AHI1: variants seen among roughly 807,000 people sequenced by gnomAD.
AHI1 encodes Abelson helper integration site 1.
In AHI1, 123 loss-of-function variants were observed where a neutral mutation model predicts 149.3. That is an observed-to-expected ratio of 0.82 (90% confidence interval 0.71 to 0.96). AHI1 has a LOEUF of 0.96. Among genes scored for constraint, AHI1 ranks in the 40% least tolerant of loss-of-function variants. AHI1 has a pLI of 0.00. For missense variants in AHI1, 1,439 were observed against 1,422.7 expected (o/e 1.01, Z -0.18); for synonymous variants, 475 against 459.8 (o/e 1.03, Z -0.42).
chr6:135,328,452 T>C (rs1788043743), intron 24 of AHI1, among the ~76,000 whole-genome samples: 2 of 152,136 alleles, frequency 1.3e-5, no homozygotes, highest in South Asian at 4.1e-4. Context: ...TGATAGGTGA[T>C]CTTTGATGCT....
At chr6:135,422,018 C>T (rs79601829) in intron 20 of AHI1, among the ~76,000 whole-genome samples, 1,531 of 152,032 alleles carry the variant, frequency 0.01, 29 homozygotes, top group African/African-American at 0.035. Context: ...AAATGAATGC[C>T]ATATAGAACG....
intron 26 of AHI1, among the ~76,000 whole-genome samples, chr6:135,304,656 AGT>A (rs1471545086): frequency 1.3e-5 from 2 of 152,098 alleles, no homozygotes; most frequent in African/African-American, 4.8e-5. Flanking sequence ...CTGTAATCCC[AGT>A]TACTCGGGAG....
intron 5 of AHI1, among the ~76,000 whole-genome samples, chr6:135,469,803 A>G (rs923967755): frequency 7.2e-5 from 11 of 152,170 alleles, no homozygotes; most frequent in Admixed American, 2.0e-4. Context: ...TATACCTTAT[A>G]CAAAAATTAA....
chr6:135,460,292 A>G (rs1430040772), intron 8 of AHI1, among the ~76,000 whole-genome samples: 1 of 152,238 alleles, frequency 6.6e-6, no homozygotes, highest in Non-Finnish European at 1.5e-5. Flanking sequence ...AGCAACAAAT[A>G]CAAAACAAAA....
At chr6:135,490,098 T>A in intron 5 of AHI1, 2 of 701,568 alleles carry the variant, frequency 2.9e-6, no homozygotes. Flanking sequence ...TAGTTGCTGA[T>A]TTGCTTAGTC....
intron 15 of AHI1, among the ~76,000 whole-genome samples, chr6:135,434,485 T>C (rs115591232): frequency 0.024 from 3,698 of 152,124 alleles, 64 homozygotes; most frequent in East Asian, 0.054. Flanking sequence ...CTCAGTTGTT[T>C]GGTAATAAAT....
chr6:135,398,216 G>C (rs1237986087), intron 22 of AHI1, among the ~76,000 whole-genome samples: 10 of 152,010 alleles, frequency 6.6e-5, no homozygotes, highest in Admixed American at 6.6e-4. Flanking sequence ...AATTTTAAGA[G>C]TAGCTTATGC....
chr6:135,296,950 A>T (rs1444994401), intron 27 of AHI1, among the ~76,000 whole-genome samples: 1 of 152,184 alleles, frequency 6.6e-6, no homozygotes, highest in Admixed American at 6.5e-5. Flanking sequence ...GTTGTGTATC[A>T]TATCATTCAT....
At chr6:135,321,422 C>T (rs1183739003) in intron 25 of AHI1, among the ~76,000 whole-genome samples, 2 of 152,100 alleles carry the variant, frequency 1.3e-5, no homozygotes, top group Non-Finnish European at 2.9e-5. Flanking sequence ...AGTCTGCTGA[C>T]TGTGGCAGAT....
At chr6:135,344,382 TA>T (rs1329798111) in intron 24 of AHI1, among the ~76,000 whole-genome samples, 1 of 150,900 alleles carries the variant, frequency 6.6e-6, no homozygotes, top group Non-Finnish European at 1.5e-5. Flanking sequence ...ATATTTACAT[TA>T]AAAATTTATA....
At chr6:135,387,198 AAG>A (rs1298380372) in intron 23 of AHI1, among the ~76,000 whole-genome samples, 1 of 152,186 alleles carries the variant, frequency 6.6e-6, no homozygotes, top group African/African-American at 2.4e-5. Context: ...GCATTTTCTT[AAG>A]AGAGGAAAAA....
intron 27 of AHI1, among the ~76,000 whole-genome samples, chr6:135,296,724 C>T (rs546552419): frequency 6.6e-6 from 1 of 152,278 alleles, no homozygotes; most frequent in South Asian, 2.1e-4. Flanking sequence ...CATACTGTAG[C>T]ACACATCTGG....
At chr6:135,344,396 TATTTTACAAA>T (rs1006727309) in intron 24 of AHI1, among the ~76,000 whole-genome samples, 24 of 150,972 alleles carry the variant, frequency 1.6e-4, no homozygotes, top group Admixed American at 1.2e-3. Context: ...AATTTATATA[TATTTTACAAA>T]ATTTTACAAT....
intron 24 of AHI1, among the ~76,000 whole-genome samples, chr6:135,345,592 T>C (rs1277281884): frequency 2.0e-5 from 3 of 152,114 alleles, no homozygotes; most frequent in Non-Finnish European, 4.4e-5. Context: ...AGTGCGTTTA[T>C]ATAAAATATC....
chr6:135,366,458 C>A (rs1774206178), intron 23 of AHI1, among the ~76,000 whole-genome samples: 1 of 152,038 alleles, frequency 6.6e-6, no homozygotes, highest in African/African-American at 2.4e-5. Flanking sequence ...CCATTTCAAT[C>A]TTTGTGCTTG....
intron 14 of AHI1, among the ~76,000 whole-genome samples, chr6:135,441,944 A>G (rs1002294495): frequency 3.3e-5 from 5 of 152,184 alleles, no homozygotes; most frequent in African/African-American, 9.7e-5. Flanking sequence ...GGAAAGTTCA[A>G]TAAGATCTAG....
At chr6:135,470,984 CA>C (rs1791596218) in intron 5 of AHI1, among the ~76,000 whole-genome samples, 1 of 152,088 alleles carries the variant, frequency 6.6e-6, no homozygotes, top group East Asian at 1.9e-4. Flanking sequence ...GACTTTTATT[CA>C]TACCTCAATA....
At chr6:135,444,661 G>C (rs1325467030) in intron 13 of AHI1, among the ~76,000 whole-genome samples, 1 of 152,080 alleles carries the variant, frequency 6.6e-6, no homozygotes, top group East Asian at 1.9e-4. Context: ...TACATTCTTG[G>C]AACATTTTTT....
intron 22 of AHI1, among the ~76,000 whole-genome samples, chr6:135,395,598 C>T (rs973426861): frequency 6.6e-6 from 1 of 151,844 alleles, no homozygotes; most frequent in Non-Finnish European, 1.5e-5. Flanking sequence ...AAATAGTTCA[C>T]TGAAAAAGCT....
Sources: allele counts gnomAD v4.1 joint callset (sites outside exome capture counted in the v4.1 genomes callset), GRCh38; gene constraint gnomAD v4.1.1; transcripts MANE v1.5; gene names NCBI Gene and HGNC (gene_info 2026-07-23, HGNC 2026-07-21).